CCND3: variants seen among roughly 807,000 people sequenced by gnomAD.
The protein encoded by CCND3 is G1/S-specific cyclin-D3.
A neutral mutation model predicts 28.7 loss-of-function variants in CCND3; 9 were observed. The observed-to-expected ratio is 0.31, with a 90% CI of 0.19 to 0.55. The LOEUF is 0.55. CCND3 is among the 20% of genes least tolerant of loss of function. CCND3 has a pLI of 0.93. For missense variants in CCND3, 315 were observed against 385.8 expected (o/e 0.82, Z 1.54); for synonymous variants, 164 against 163.9 (o/e 1.00, Z 0.00).
chr6:41,993,004 GC>G lies in CCND3; in HGVS notation c.-45-52420del, dbSNP rs574493886. Among the ~76,000 whole-genome samples the G allele has an allele frequency of 1.9e-3, 286 of 152,170 alleles. 1 individual carries two copies. Among genetic ancestry groups the G allele is most frequent in the Non-Finnish European group, 1.9e-3 (130 of 68,006 alleles). On this transcript the variant is annotated intron_variant, in intron 1 of 4. Transcript: ENST00000372988. ...GCTCTCTGTAGCCTTGAACTCCTGGGCTCAGGCAATCCTCACACCTAAGCCC... is the reference window on the plus strand; with the variant it reads ...GCTCTCTGTAGCCTTGAACTCCTGGGTCAGGCAATCCTCACACCTAAGCCC...
At chr6:41,955,103 G>A (rs1776406077) in intron 1 of CCND3, among the ~76,000 whole-genome samples, 1 of 151,942 alleles carries the variant, frequency 6.6e-6, no homozygotes, top group Non-Finnish European at 1.5e-5. Context: ...CCACCTGATG[G>A]GGCAACCTTC....
At chr6:41,987,561 G>C (rs1365488920) in intron 1 of CCND3, among the ~76,000 whole-genome samples, 2 of 150,268 alleles carry the variant, frequency 1.3e-5, no homozygotes, top group Non-Finnish European at 3.0e-5. Flanking sequence ...GTGTGTTTTA[G>C]AGACAGAGTC....
chr6:42,014,755 T>C (rs2127429829), intron 1 of CCND3, among the ~76,000 whole-genome samples: 1 of 152,362 alleles, frequency 6.6e-6, no homozygotes, highest in Middle Eastern at 3.4e-3. Flanking sequence ...GCCACTGCAC[T>C]CCAGCTTGGG....
chr6:41,967,587 C>T (rs1411645418), intron 1 of CCND3, among the ~76,000 whole-genome samples: 1 of 152,204 alleles, frequency 6.6e-6, no homozygotes, highest in Admixed American at 6.5e-5. Context: ...GCTAATTCAA[C>T]GCTTCCGGGT....
At chr6:41,952,053 C>T (rs948072123) in intron 1 of CCND3, among the ~76,000 whole-genome samples, 5 of 152,164 alleles carry the variant, frequency 3.3e-5, no homozygotes, top group Admixed American at 6.5e-5. Flanking sequence ...TGAGCCACCA[C>T]GCCCAGCCTA....
At chr6:42,041,052 CCAA>C (rs1422414731) in intron 1 of CCND3, among the ~76,000 whole-genome samples, 2 of 152,092 alleles carry the variant, frequency 1.3e-5, no homozygotes, top group East Asian at 1.9e-4. Flanking sequence ...ATTATTATCA[CCAA>C]CATCTTGAGT....
intron 1 of CCND3, among the ~76,000 whole-genome samples, chr6:42,037,831 G>A (rs1459369727): frequency 6.6e-6 from 1 of 151,806 alleles, no homozygotes; most frequent in Non-Finnish European, 1.5e-5. Context: ...AGGAGTTCAA[G>A]ACTAGTCTGA....
chr6:41,951,566 ACACACAC>A (rs1561958158), intron 1 of CCND3, among the ~76,000 whole-genome samples: 100 of 100,560 alleles, frequency 9.9e-4, no homozygotes, highest in Middle Eastern at 5.1e-3. Context: ...ACACACACAC[ACACACAC>A]ACAAAAAAAA....
intron 1 of CCND3, among the ~76,000 whole-genome samples, chr6:42,031,926 A>T (rs1764058015): frequency 6.6e-6 from 1 of 150,536 alleles, no homozygotes; most frequent in African/African-American, 2.5e-5. Context: ...AGTAGCTAGG[A>T]TTACAGGCAC....
At chr6:41,990,776 G>A (rs1762623365) in intron 1 of CCND3, among the ~76,000 whole-genome samples, 1 of 149,888 alleles carries the variant, frequency 6.7e-6, no homozygotes, top group Admixed American at 6.8e-5. Flanking sequence ...TGCCTCCGGA[G>A]TTCAAGTGAT....
chr6:42,000,806 A>G (rs1762986844), intron 1 of CCND3, among the ~76,000 whole-genome samples: 1 of 150,628 alleles, frequency 6.6e-6, no homozygotes, highest in African/African-American at 2.4e-5. Context: ...ACCTCAGGTG[A>G]TCCGCCTGCC....
At chr6:41,977,478 T>C (rs1762216589) in intron 1 of CCND3, among the ~76,000 whole-genome samples, 2 of 152,090 alleles carry the variant, frequency 1.3e-5, no homozygotes, top group South Asian at 2.1e-4. Flanking sequence ...GCGATTCTCC[T>C]GCCTCAGCCT....
rs1775798253 is a variant in CCND3 at position 41,936,462 on chromosome 6, G to A, written c.711+97C>T. 8 of 1,413,492 alleles carry A rather than the reference G, an allele frequency of 5.7e-6. No homozygotes were observed. In the Admixed American group the frequency reaches 1.4e-4, roughly 25 times the overall value. The allele number at this position is 1,413,492 out of a possible 1,614,324, so 87.6% of individuals were successfully genotyped here. A position where few individuals can be genotyped will look rare whatever the true frequency, so the allele number is the denominator to read the frequency against. ...CCAAGGTTGTGAAACCAGGACTTGG[G>A]ACCAGGTTGGGGTTGGAGGTTTCCC... On this transcript the variant is annotated intron_variant, in intron 4 of 4. Coordinates refer to ENST00000372991, the MANE Select transcript of CCND3 (RefSeq NM_001760.5). This position sits in a 1 kb window ranked among gnomAD's most constrained non-coding sequence, Gnocchi z 4.4.
In CCND3 at chr6:41,941,721, G is replaced by T; in HGVS notation, c.-72C>A. 8.9e-7 allele frequency: 1 copy of T among 1,125,498 alleles called. No individual in the cohort carries two copies. The highest frequency in any genetic ancestry group is 1.1e-6 in the Non-Finnish European group (1 of 872,932). 69.7% of individuals were successfully genotyped at this position (1,125,498 alleles called of 1,614,324 possible). A position where few individuals can be genotyped will look rare whatever the true frequency, so the allele number is the denominator to read the frequency against. On this transcript the variant is annotated 5_prime_UTR_variant, in exon 1 of 5. Coordinates refer to ENST00000372991, the MANE Select transcript of CCND3 (RefSeq NM_001760.5). This position sits in a 1 kb window ranked among gnomAD's most constrained non-coding sequence, Gnocchi z 6.1. ...CAAGGCAGGCGACGGGCCGGAGAGC[G>T]CGGGGCGCGGGTCTGGCGCTGGCGC...
chr6:41,936,197 G>A lies in CCND3; in HGVS notation c.712-90C>T. On this transcript the variant is annotated intron_variant, in intron 4 of 4. Coordinates refer to ENST00000372991, the MANE Select transcript of CCND3 (RefSeq NM_001760.5). This position sits in a 1 kb window ranked among gnomAD's most constrained non-coding sequence, Gnocchi z 4.4. ...GGGAAGGACAGCTCCCAACACATGG[G>A]GAAGTCTGGGGAGGTTAGGCCACAG... 7.2e-7 allele frequency: 1 copy of A among 1,392,678 alleles called. No individual in the cohort carries two copies. Among genetic ancestry groups the A allele is most frequent in the Admixed American group, 2.3e-5 (1 of 43,396 alleles). The allele number at this position is 1,392,678 out of a possible 1,614,324, so 86.3% of individuals were successfully genotyped here.
intron 1 of CCND3, among the ~76,000 whole-genome samples, chr6:42,033,129 AG>A (rs1333150341): frequency 6.6e-6 from 1 of 152,202 alleles, no homozygotes; most frequent in Non-Finnish European, 1.5e-5. Flanking sequence ...AACTGTGGCC[AG>A]GGTAAGTATT....
At chr6:41,988,211 C>T (rs747481443) in intron 1 of CCND3, among the ~76,000 whole-genome samples, 6 of 151,994 alleles carry the variant, frequency 3.9e-5, no homozygotes, top group Non-Finnish European at 7.4e-5. Context: ...GAGGCTGAGG[C>T]AGGATAATTG....
rs976973321 is a variant in CCND3 at position 41,937,404 on chromosome 6, C to A, written c.415-10G>T. On this transcript the variant is annotated splice_polypyrimidine_tract_variant and intron_variant, in intron 2 of 4. Transcript: ENST00000372991. ...CCAGCACCTCCCAGTCCTGAAAAAG[C>A]GGGGAAAGGGTGGGGTCAGTGGCTG... 1 of 1,613,606 alleles carries A rather than the reference C, an allele frequency of 6.2e-7. No homozygotes were observed. Among genetic ancestry groups the A allele is most frequent in the African/African-American group, 1.3e-5 (1 of 74,856 alleles).
intron 1 of CCND3, among the ~76,000 whole-genome samples, chr6:42,006,833 A>G (rs4714544): frequency 1 from 151,333 of 151,516 alleles, 75,576 homozygotes; most frequent in Middle Eastern, 1. Flanking sequence ...GTGTGAACCC[A>G]GGGGGCAGAG....
Sources: allele counts gnomAD v4.1 joint callset (sites outside exome capture counted in the v4.1 genomes callset), GRCh38; gene constraint gnomAD v4.1.1; non-coding constraint Gnocchi (gnomAD v3.1); transcripts MANE v1.5; gene names NCBI Gene and HGNC (gene_info 2026-07-23, HGNC 2026-07-21).